Variants in TMIGD3 observed in about 807,000 individuals in gnomAD.
TMIGD3 encodes transmembrane and immunoglobulin domain containing 3, also known as AD026 protein (AD026).
A neutral mutation model predicts 28.1 loss-of-function variants in TMIGD3; 21 were observed. The observed-to-expected ratio is 0.75, with a 90% CI of 0.53 to 1.08. The LOEUF is 1.08. TMIGD3 is among the 50% of genes least tolerant of loss of function. The pLI is 0.00. For missense variants in TMIGD3, 416 were observed against 435.6 expected (o/e 0.96, Z 0.40); for synonymous variants, 151 against 162.1 (o/e 0.93, Z 0.52).
chr1:111,539,602 A>G (rs1358826411), intron 1 of TMIGD3, among the ~76,000 whole-genome samples: 1 of 152,142 alleles, frequency 6.6e-6, no homozygotes, highest in Non-Finnish European at 1.5e-5. Flanking sequence ...GGCCTATGCT[A>G]TTATATTTTA....
chr1:111,552,683 A>G (rs1657316803), intron 1 of TMIGD3, among the ~76,000 whole-genome samples: 2 of 152,306 alleles, frequency 1.3e-5, no homozygotes, highest in Non-Finnish European at 2.9e-5. Flanking sequence ...TTATTATACT[A>G]TTTAAAACCA....
intron 1 of TMIGD3, among the ~76,000 whole-genome samples, chr1:111,522,162 A>C (rs1001125951): frequency 2.0e-5 from 3 of 152,152 alleles, no homozygotes; most frequent in Admixed American, 2.0e-4. Context: ...GATTGTTGTC[A>C]TTTTACAGAA....
chr1:111,562,839 CTCAA>C lies in TMIGD3; in HGVS notation c.107+1003_107+1006del, dbSNP rs575460970. Among the ~76,000 whole-genome samples the C allele has an allele frequency of 1.7e-3, 258 of 152,290 alleles. 1 individual carries two copies. Among genetic ancestry groups the C allele is most frequent in the African/African-American group, 6.1e-3 (253 of 41,566 alleles). On this transcript the variant is annotated intron_variant, in intron 1 of 5. Coordinates refer to the TMIGD3 transcript ENST00000369717. Reference sequence around the variant, plus strand: ...TGCTTTCTTTGGTTTGCTTTTAGTTCTCAATCAATCAAGTACTTTAGAAAAGCCC... The same window carrying C: ...TGCTTTCTTTGGTTTGCTTTTAGTTCTCAATCAAGTACTTTAGAAAAGCCC...
intron 5 of TMIGD3, 30 bp downstream of exon 5, chr1:111,485,708 GCC>G: frequency 1.2e-6 from 1 of 867,084 alleles, no homozygotes. Flanking sequence ...TCTAATTCTT[GCC>G]CACCCCCTCC....
chr1:111,539,265 T>C (rs1656739569), intron 1 of TMIGD3, among the ~76,000 whole-genome samples: 1 of 152,130 alleles, frequency 6.6e-6, no homozygotes, highest in Admixed American at 6.6e-5. Context: ...CTCCCCTCTC[T>C]AGTAGTCCCA....
chr1:111,488,766 C>T lies in TMIGD3; in HGVS notation c.716G>A (p.Arg239Gln), dbSNP rs1191351880. The change falls in exon 3 of 6, where the codon CGG becomes CAG. Residue 239 changes from arginine to glutamine, a missense_variant. Transcript: ENST00000369716. ...ATCCATGTCATCCCTGGCAAAGTCC[C>T]GCTGGATGCCACACCAGTACCAGCC... is the stretch of plus-strand genomic sequence containing the variant. ...DTGWYWCGIQRDFARDDMDFT... is the reference protein window; with the variant it reads ...DTGWYWCGIQQDFARDDMDFT... 9 of 1,614,054 alleles carry T rather than the reference C, an allele frequency of 5.6e-6. No individual in the cohort carries two copies. Among genetic ancestry groups the T allele is most frequent in the Admixed American group, 1.7e-5 (1 of 60,008 alleles).
exon 1 of TMIGD3, chr1:111,563,895 A>G: frequency 6.2e-7 from 1 of 1,613,836 alleles, no homozygotes; most frequent in Non-Finnish European, 8.5e-7. Context: ...TGCTCTTCCC[A>G]GGAGCTTTCC....
intron 1 of TMIGD3, among the ~76,000 whole-genome samples, chr1:111,502,412 G>A (rs2486265): frequency 0.94 from 86,901 of 92,234 alleles, 41,765 homozygotes; most frequent in Non-Finnish European, 0.97. Flanking sequence ...ATTTATTATA[G>A]TGAATATATA....
At chr1:111,537,640 C>A (rs1461015567) in intron 1 of TMIGD3, among the ~76,000 whole-genome samples, 1 of 152,186 alleles carries the variant, frequency 6.6e-6, no homozygotes, top group Non-Finnish European at 1.5e-5. Context: ...TAAAGAGGAG[C>A]TTTCCCTTTT....
At chr1:111,530,002 AC>A (rs1317027812) in intron 1 of TMIGD3, among the ~76,000 whole-genome samples, 1 of 73,256 alleles carries the variant, frequency 1.4e-5, no homozygotes, top group African/African-American at 6.0e-5. Flanking sequence ...CGGGGCGCTG[AC>A]CCCCCCACCT....
rs145936359 is a variant in TMIGD3, at chr1:111,485,786, T to C, written c.927A>G (p.Val309=). 5 of 1,613,196 alleles carry C rather than the reference T, an allele frequency of 3.1e-6. No homozygotes were observed. The highest frequency in any genetic ancestry group is 1.3e-5 in the African/African-American group (1 of 74,758). The change falls in exon 5 of 6, where the codon GTA becomes GTG. Residue 309 remains valine, a synonymous_variant. Transcript: ENST00000369716. ...TCCTCCTTTTGGTCAAATGACTGAT[T>C]ACAGAGATGATTCCCAAACCCGTGA... ...ILITGLGIIS[V]ISHLTKRRRS...
intron 1 of TMIGD3, among the ~76,000 whole-genome samples, chr1:111,524,172 GGC>G (rs1426383903): frequency 6.6e-6 from 1 of 151,102 alleles, no homozygotes; most frequent in Non-Finnish European, 1.5e-5. Flanking sequence ...TGGGACTACA[GGC>G]GCCCGCCACT....
At chr1:111,541,193 G>A (rs1402819708) in intron 1 of TMIGD3, among the ~76,000 whole-genome samples, 2 of 152,212 alleles carry the variant, frequency 1.3e-5, no homozygotes, top group Non-Finnish European at 2.9e-5. Context: ...AGGAGTCATA[G>A]CTTGCTGACT....
chr1:111,509,492 T>G (rs1655621398), intron 1 of TMIGD3, among the ~76,000 whole-genome samples: 1 of 152,200 alleles, frequency 6.6e-6, no homozygotes, highest in Non-Finnish European at 1.5e-5. Flanking sequence ...CCGGTGTTGA[T>G]TCTCATGCCC....
Position 111,503,219 on chromosome 1 carries a change from T to C in TMIGD3, c.136A>G (p.Thr46Ala), listed in dbSNP as rs1266147688. ...VVKLNPSLQT[T>A]TFYFIVSLAL... is the part of the protein sequence containing the mutation. ...AGAGAGACAATGAAATAGAAGGTGG[T>C]GGTCTGCAGGCTGGGGTTCAGCTTG... Residue 46 changes from threonine (T) to alanine (A), a missense_variant, in exon 1 of 6, where the codon ACC becomes GCC. Physicochemically the swap from Thr to Ala is moderately conservative, Grantham distance 58. Transcript: ENST00000369716. The C allele has an allele frequency of 6.8e-6, 11 of 1,614,232 alleles. No homozygotes were observed. The highest frequency in any genetic ancestry group is 4.0e-5 in the African/African-American group (3 of 75,072).
At chr1:111,493,718 T>C (rs1654766308) in intron 1 of TMIGD3, among the ~76,000 whole-genome samples, 2 of 152,186 alleles carry the variant, frequency 1.3e-5, no homozygotes, top group Non-Finnish European at 2.9e-5. Context: ...TGAAGAAAAT[T>C]GAGGCTCAGA....
chr1:111,535,583 A>G (rs1259897799), intron 1 of TMIGD3, among the ~76,000 whole-genome samples: 1 of 152,242 alleles, frequency 6.6e-6, no homozygotes, highest in South Asian at 2.1e-4. Context: ...GCAAATGTTT[A>G]AAGTGAGGAT....
intron 1 of TMIGD3, among the ~76,000 whole-genome samples, chr1:111,555,476 G>A (rs1413872925): frequency 6.6e-6 from 1 of 151,294 alleles, no homozygotes; most frequent in Non-Finnish European, 1.5e-5. Context: ...TCTGTGGACA[G>A]GTTAAATAGT....
At chr1:111,505,286 G>T (rs1380486263), upstream of TMIGD3, among the ~76,000 whole-genome samples, 3 of 152,008 alleles carry the variant, frequency 2.0e-5, no homozygotes, top group African/African-American at 7.3e-5. Flanking sequence ...CAAGGAAAGG[G>T]GTTTGTGTCC....
Sources: allele counts gnomAD v4.1 joint callset (sites outside exome capture counted in the v4.1 genomes callset), GRCh38; gene constraint gnomAD v4.1.1; transcripts MANE v1.5; gene names NCBI Gene and HGNC (gene_info 2026-07-23, HGNC 2026-07-21).